Variants in WWTR1 observed in about 807,000 individuals in gnomAD.
WWTR1 encodes WW domain-containing transcription regulator protein 1.
WWTR1 carries 13 observed loss-of-function variants against 40.1 expected under a neutral mutation model. The observed-to-expected ratio is 0.32, with a 90% CI of 0.21 to 0.52. The LOEUF is 0.52. WWTR1 is among the 20% of genes least tolerant of loss of function. The probability of loss-of-function intolerance (pLI) is 0.97; values close to 1 mark genes in which losing one functional copy is unlikely to be tolerated. For synonymous variants in WWTR1, 230 were observed against 210.1 expected (o/e 1.09, Z -0.82); for missense variants, 436 against 523.1 (o/e 0.83, Z 1.63).
chr3:149,529,100 T>G (rs553511671), intron 4 of WWTR1, among the ~76,000 whole-genome samples: 1 of 152,238 alleles, frequency 6.6e-6, no homozygotes, highest in Non-Finnish European at 1.5e-5. Flanking sequence ...AGAATACTTT[T>G]GTATGTTTAC....
intron 5 of WWTR1, among the ~76,000 whole-genome samples, chr3:149,710,729 G>A (rs1223366054): frequency 1.3e-5 from 2 of 151,534 alleles, no homozygotes; most frequent in South Asian, 2.1e-4. Context: ...ATAGGTGCAC[G>A]CCACCAGGCC....
At chr3:149,690,586 C>A (rs897711110) in intron 1 of WWTR1, among the ~76,000 whole-genome samples, 8 of 152,128 alleles carry the variant, frequency 5.3e-5, no homozygotes, top group African/African-American at 1.9e-4. Flanking sequence ...TATATACATG[C>A]ACTCAACAAT....
At chr3:149,631,165 A>C (rs1011431151) in intron 2 of WWTR1, among the ~76,000 whole-genome samples, 1 of 152,194 alleles carries the variant, frequency 6.6e-6, no homozygotes, top group Non-Finnish European at 1.5e-5. Flanking sequence ...TAATTCTCAC[A>C]GTCAAATTTC....
chr3:149,526,133 G>C lies in WWTR1; in HGVS notation c.906-8C>G. ...CTCGAATGATATGGCCCTCTGCAAA[G>C]CAAAAGATGAAGAAACTTCAATATG... On this transcript the variant is annotated splice_polypyrimidine_tract_variant and splice_region_variant and intron_variant, in intron 5 of 6. Coordinates refer to ENST00000360632, the MANE Select transcript of WWTR1 (RefSeq NM_015472.6). 6.4e-7 allele frequency: 1 copy of C among 1,569,314 alleles called. No individual in the cohort carries two copies.
At chr3:149,668,962 T>C (rs574025440) in intron 2 of WWTR1, among the ~76,000 whole-genome samples, 149 of 152,326 alleles carry the variant, frequency 9.8e-4, no homozygotes, top group Non-Finnish European at 1.9e-3. Flanking sequence ...CCTTTGACTT[T>C]CTGGTCAGCT....
chr3:149,540,850 A>G (rs1428015686), intron 4 of WWTR1, among the ~76,000 whole-genome samples: 2 of 152,200 alleles, frequency 1.3e-5, no homozygotes, highest in Non-Finnish European at 2.9e-5. Flanking sequence ...ATTTTCAAAG[A>G]CTATATCTGA....
intron 2 of WWTR1, among the ~76,000 whole-genome samples, chr3:149,597,940 C>A (rs1159025500): frequency 1.3e-5 from 2 of 152,188 alleles, no homozygotes; most frequent in Non-Finnish European, 1.5e-5. Flanking sequence ...AAGAAATAAG[C>A]TCCACCCTTT....
At chr3:149,523,266 G>A (rs1250976207) in intron 6 of WWTR1, among the ~76,000 whole-genome samples, 2 of 124,462 alleles carry the variant, frequency 1.6e-5, no homozygotes, top group African/African-American at 6.1e-5. Flanking sequence ...TTTTTTTTTT[G>A]AGATGGAGTT....
intron 2 of WWTR1, among the ~76,000 whole-genome samples, chr3:149,605,359 G>C (rs1227307812): frequency 6.7e-6 from 1 of 148,236 alleles, no homozygotes; most frequent in East Asian, 1.9e-4. Flanking sequence ...GACCTTTCTA[G>C]TGTAGTGACC....
chr3:149,529,494 T>C (rs1735472300), intron 4 of WWTR1, among the ~76,000 whole-genome samples: 1 of 152,228 alleles, frequency 6.6e-6, no homozygotes, highest in African/African-American at 2.4e-5. Flanking sequence ...TTCATCTAGA[T>C]TGCAAATAAT....
At chr3:149,648,212 G>C (rs1712644412) in intron 2 of WWTR1, among the ~76,000 whole-genome samples, 1 of 152,074 alleles carries the variant, frequency 6.6e-6, no homozygotes, top group Non-Finnish European at 1.5e-5. Flanking sequence ...CAGTCAAAGG[G>C]GCACAGATAC....
intron 4 of WWTR1, chr3:149,541,079 A>G (rs1203050400): frequency 4.4e-6 from 2 of 455,696 alleles, no homozygotes; most frequent in African/African-American, 4.0e-5. Flanking sequence ...TTATTTCTCT[A>G]ATTTCTCTAA....
intron 4 of WWTR1, among the ~76,000 whole-genome samples, chr3:149,536,137 C>T (rs992114922): frequency 6.6e-6 from 1 of 152,172 alleles, no homozygotes; most frequent in African/African-American, 2.4e-5. Flanking sequence ...ACGCTTGACA[C>T]AAGCTAGAAT....
At chr3:149,599,120 C>T (rs1739132126) in intron 2 of WWTR1, among the ~76,000 whole-genome samples, 1 of 152,154 alleles carries the variant, frequency 6.6e-6, no homozygotes, top group Admixed American at 6.5e-5. Context: ...CCATAGGCAC[C>T]TTGGTTAGAA....
At chr3:149,696,410 T>C (rs908075942) in intron 1 of WWTR1, among the ~76,000 whole-genome samples, 1 of 152,206 alleles carries the variant, frequency 6.6e-6, no homozygotes, top group Non-Finnish European at 1.5e-5. Flanking sequence ...AGGAATTCTC[T>C]TTTAGTTCTT....
chr3:149,661,907 A>G (rs1713598274), upstream of WWTR1, among the ~76,000 whole-genome samples: 1 of 150,696 alleles, frequency 6.6e-6, no homozygotes, highest in African/African-American at 2.4e-5. Context: ...TAATTTTTGT[A>G]TATTTAGTAG....
At chr3:149,624,178 C>T (rs1231510089) in intron 2 of WWTR1, among the ~76,000 whole-genome samples, 1 of 152,120 alleles carries the variant, frequency 6.6e-6, no homozygotes, top group Non-Finnish European at 1.5e-5. Flanking sequence ...GTCAAATGAA[C>T]AGATACTGGC....
At chr3:149,643,511 ACT>A (rs994677813) in intron 2 of WWTR1, among the ~76,000 whole-genome samples, 12 of 152,224 alleles carry the variant, frequency 7.9e-5, no homozygotes, top group African/African-American at 2.7e-4. Context: ...GTTATAAAAC[ACT>A]GATTTCGGAC....
chr3:149,566,820 A>G (rs1737347044), intron 3 of WWTR1, among the ~76,000 whole-genome samples: 1 of 152,024 alleles, frequency 6.6e-6, no homozygotes, highest in African/African-American at 2.4e-5. Context: ...AAGAAAAAAA[A>G]AAAAAAACAC....
Sources: gnomAD v4.1 joint callset for allele counts (sites outside exome capture counted in the v4.1 genomes callset) on GRCh38, gnomAD v4.1.1 for gene constraint, MANE v1.5 for transcripts, NCBI Gene and HGNC (gene_info 2026-07-23, HGNC 2026-07-21) for gene names.